The following TACR3 variants were observed in gnomAD, a reference collection of about 807,000 sequenced individuals.
The protein encoded by TACR3 is tachykinin receptor 3, also known as neuromedin-K receptor.
TACR3 carries 34 observed loss-of-function variants against 35.0 expected under a neutral mutation model. The observed-to-expected ratio is 0.97, with a 90% CI of 0.74 to 1.30. The LOEUF (loss-of-function observed/expected upper bound fraction) is 1.30. Among genes scored for constraint, TACR3 ranks in the 50% most tolerant of loss-of-function variants. TACR3 has a pLI of 0.00. For missense variants in TACR3, 558 were observed against 591.7 expected (o/e 0.94, Z 0.59); for synonymous variants, 233 against 221.1 (o/e 1.05, Z -0.48).
chr4:103,713,572 G>A (rs773761036), intron 1 of TACR3, among the ~76,000 whole-genome samples: 10 of 151,614 alleles, frequency 6.6e-5, no homozygotes, highest in African/African-American at 2.4e-4. Flanking sequence ...GTATACATAC[G>A]TGACAAACCT....
intron 1 of TACR3, among the ~76,000 whole-genome samples, chr4:103,696,597 G>C (rs927779539): frequency 1.3e-5 from 2 of 152,088 alleles, no homozygotes; most frequent in Admixed American, 6.6e-5. Flanking sequence ...TCAAAGTGGT[G>C]AACTATCTTG....
chr4:103,691,872 G>C (rs116578372), intron 1 of TACR3, among the ~76,000 whole-genome samples: 1 of 152,122 alleles, frequency 6.6e-6, no homozygotes, highest in Admixed American at 6.6e-5. Context: ...TCCCATAAGG[G>C]ACAGTTTTAA....
chr4:103,704,735 G>A (rs905369398), intron 1 of TACR3, among the ~76,000 whole-genome samples: 20 of 152,226 alleles, frequency 1.3e-4, no homozygotes, highest in Non-Finnish European at 2.8e-4. Flanking sequence ...GGGAAACAGA[G>A]CCAAACCATA....
chr4:103,603,205 A>G (rs550704893), intron 3 of TACR3, among the ~76,000 whole-genome samples: 15 of 152,264 alleles, frequency 9.9e-5, no homozygotes, highest in South Asian at 8.3e-4. Flanking sequence ...CATGTGCGGG[A>G]TATAATCTCC....
At chr4:103,605,390 G>C (rs1268056152) in intron 3 of TACR3, among the ~76,000 whole-genome samples, 57 of 89,952 alleles carry the variant, frequency 6.3e-4, no homozygotes, top group Non-Finnish European at 6.6e-4. Flanking sequence ...CTAGATCCCT[G>C]AGGAATTGCC....
intron 1 of TACR3, among the ~76,000 whole-genome samples, chr4:103,687,621 A>G (rs1251632139): frequency 6.6e-6 from 1 of 152,108 alleles, no homozygotes; most frequent in African/African-American, 2.4e-5. Flanking sequence ...ACAGAGAGCC[A>G]AATCATGAGT....
intron 3 of TACR3, among the ~76,000 whole-genome samples, chr4:103,592,762 G>T (rs926982091): frequency 6.6e-6 from 1 of 152,210 alleles, no homozygotes; most frequent in Non-Finnish European, 1.5e-5. Flanking sequence ...CAGTATTTAT[G>T]AAATGGACTT....
chr4:103,596,710 C>T (rs1042564874), intron 3 of TACR3, among the ~76,000 whole-genome samples: 19 of 151,978 alleles, frequency 1.3e-4, no homozygotes, highest in African/African-American at 2.7e-4. Context: ...CCCATTAACT[C>T]GTCATTTACA....
intron 2 of TACR3, 110 bp downstream of exon 2, chr4:103,658,105 T>C: frequency 9.3e-7 from 1 of 1,079,376 alleles, no homozygotes; most frequent in Non-Finnish European, 1.4e-6. Flanking sequence ...TTCCAAATAA[T>C]GTATGAACCC....
intron 1 of TACR3, among the ~76,000 whole-genome samples, chr4:103,667,244 G>A (rs1399574358): frequency 6.6e-6 from 1 of 152,032 alleles, no homozygotes; most frequent in Non-Finnish European, 1.5e-5. Flanking sequence ...GGCACAGAGT[G>A]AGACTTTGTC....
intron 3 of TACR3, among the ~76,000 whole-genome samples, chr4:103,632,388 CA>C (rs1725086916): frequency 6.6e-6 from 1 of 152,098 alleles, no homozygotes; most frequent in African/African-American, 2.4e-5. Context: ...TTTGCAGGGA[CA>C]TGGTTGAAGC....
chr4:103,627,690 T>G (rs1158621554), intron 3 of TACR3, among the ~76,000 whole-genome samples: 1 of 151,956 alleles, frequency 6.6e-6, no homozygotes, highest in Non-Finnish European at 1.5e-5. Flanking sequence ...CACACAATAA[T>G]AATGGGAAAC....
At chr4:103,634,236 C>A (rs192607998) in intron 3 of TACR3, among the ~76,000 whole-genome samples, 6 of 152,202 alleles carry the variant, frequency 3.9e-5, no homozygotes, top group Admixed American at 3.9e-4. Context: ...ATGGAATTTT[C>A]TGCATTGCTT....
chr4:103,590,107 TG>T, intron 4 of TACR3, 113 bp from the exon 5 acceptor site: 1 of 1,351,778 alleles, frequency 7.4e-7, no homozygotes, highest in South Asian at 1.3e-5. Flanking sequence ...TTTTTGAGTT[TG>T]GTTTTTAGCC....
chr4:103,618,737 G>A (rs531778238), intron 3 of TACR3, among the ~76,000 whole-genome samples: 2 of 152,082 alleles, frequency 1.3e-5, no homozygotes, highest in African/African-American at 2.4e-5. Context: ...AGCATGAGAT[G>A]CTTTTTATTT....
chr4:103,642,776 C>T (rs1447026447), intron 3 of TACR3, among the ~76,000 whole-genome samples: 2 of 151,708 alleles, frequency 1.3e-5, no homozygotes, highest in African/African-American at 4.8e-5. Flanking sequence ...AAATATGCAA[C>T]AGTAATTTAT....
intron 3 of TACR3, among the ~76,000 whole-genome samples, chr4:103,647,681 A>G (rs1404865637): frequency 6.6e-6 from 1 of 151,934 alleles, no homozygotes; most frequent in Non-Finnish European, 1.5e-5. Flanking sequence ...AGGGATTTTT[A>G]AGTTAAATAC....
rs540526877 is a variant in TACR3 at position 103,718,150 on chromosome 4, GAATT to G, written c.548+974_548+977del. ...TATAATGGCAACTGAAATGTCATAA[GAATT>G]AATATTTATCTCCATTTTATTTTGA... is the stretch of plus-strand genomic sequence containing the variant. On this transcript the variant is annotated intron_variant, in intron 1 of 4. Coordinates refer to ENST00000304883, the MANE Select transcript of TACR3 (RefSeq NM_001059.3). Among the ~76,000 whole-genome samples the G allele has an allele frequency of 2.4e-3, 370 of 152,148 alleles. 1 individual carries two copies. The highest frequency in any genetic ancestry group is 9.5e-3 in the East Asian group (49 of 5,178).
Position 103,591,519 on chromosome 4 carries a change from G to A in TACR3, c.1053C>T (p.Tyr351=). The part of the protein sequence containing the change: ...SFWLAMSSTM[Y]NPIIYCCLNK... ...TCAGACAGCAGTAGATGATGGGATTGTACATGGTTGAGCTCATTGCCAGCC... is the reference window on the plus strand; with the variant it reads ...TCAGACAGCAGTAGATGATGGGATTATACATGGTTGAGCTCATTGCCAGCC... Residue 351 remains tyrosine (Y), a synonymous_variant, in exon 4 of 5, where the codon TAC becomes TAT. Transcript: ENST00000304883. 1 of 1,613,880 alleles carries A rather than the reference G, an allele frequency of 6.2e-7. No homozygotes were observed. The highest frequency in any genetic ancestry group is 1.7e-4 in the Middle Eastern group (1 of 6,054).
Sources: allele counts gnomAD v4.1 joint callset (sites outside exome capture counted in the v4.1 genomes callset), GRCh38; gene constraint gnomAD v4.1.1; transcripts MANE v1.5; gene names NCBI Gene and HGNC (gene_info 2026-07-23, HGNC 2026-07-21).